The following SETD2 variants were observed in gnomAD, a reference collection of about 807,000 sequenced individuals.
The protein encoded by SETD2 is SET domain containing 2, histone lysine methyltransferase, also known as histone-lysine N-methyltransferase SETD2.
Under a neutral mutation model 242.1 loss-of-function variants are expected in SETD2, and 31 were observed. The observed-to-expected ratio is 0.13, with a 90% CI of 0.10 to 0.17. The LOEUF (loss-of-function observed/expected upper bound fraction) is 0.17. Among genes scored for constraint, SETD2 ranks in the 10% least tolerant of loss-of-function variants. The pLI, the probability that SETD2 is intolerant of heterozygous loss-of-function variation, is 1.00. For missense variants in SETD2, 2,481 were observed against 3,046.3 expected (o/e 0.81, Z 4.37); for synonymous variants, 1,006 against 1,066.5 (o/e 0.94, Z 1.11).
intron 9 of SETD2, among the ~76,000 whole-genome samples, chr3:47,094,039 G>A (rs973366045): frequency 2.0e-5 from 3 of 152,150 alleles, no homozygotes; most frequent in East Asian, 1.9e-4. Flanking sequence ...TGCATATTCT[G>A]GATAGTAGTA....
At chr3:47,127,444 A>C in intron 1 of SETD2, 1 of 269,220 alleles carries the variant, frequency 3.7e-6, no homozygotes, top group South Asian at 3.1e-5. Context: ...CACATAAAAT[A>C]AGGCTGGGTG....
intron 1 of SETD2, among the ~76,000 whole-genome samples, chr3:47,151,945 G>C (rs1192666242): frequency 6.6e-6 from 1 of 151,928 alleles, no homozygotes; most frequent in Non-Finnish European, 1.5e-5. Context: ...ACTATAATTG[G>C]GGGAACAGTC....
chr3:47,037,184 G>GTT (rs2039046033), intron 18 of SETD2, among the ~76,000 whole-genome samples: 1 of 148,848 alleles, frequency 6.7e-6, no homozygotes, highest in African/African-American at 2.5e-5. Context: ...CAACGTGCAG[G>GTT]TTTGTTACAT....
rs2106676332 is a variant in SETD2, at chr3:47,122,356, G to C, written c.2280C>G (p.Leu760=). 6.2e-7 allele frequency: 1 copy of C among 1,614,152 alleles called. No homozygotes were observed. Among genetic ancestry groups the C allele is most frequent in the Non-Finnish European group, 8.5e-7 (1 of 1,179,990 alleles). Residue 760 remains leucine (L), a synonymous_variant, in exon 3 of 21, where the codon CTC becomes CTG. Coordinates refer to ENST00000409792, the MANE Select transcript of SETD2 (RefSeq NM_014159.7). The part of the protein sequence containing the change: ...EPLVSPHQDK[L]MSMPVMTVDY... ...CCACAGTCATAACTGGCATAGACAT[G>C]AGTTTATCTTGGTGTGGTGACACCA...
At chr3:47,019,725 T>C in intron 19 of SETD2, 35 bp downstream of exon 19, 1 of 1,543,900 alleles carries the variant, frequency 6.5e-7, no homozygotes, top group Non-Finnish European at 9.0e-7. Context: ...GATTTAAGCC[T>C]GAGGAGCTTA....
chr3:47,100,644 T>C (rs1349964813), intron 8 of SETD2, among the ~76,000 whole-genome samples: 1 of 152,154 alleles, frequency 6.6e-6, no homozygotes, highest in Non-Finnish European at 1.5e-5. Flanking sequence ...TGCTTCAGTG[T>C]TAATAAGAAC....
At chr3:47,152,846 G>C (rs1192202523) in intron 1 of SETD2, among the ~76,000 whole-genome samples, 1 of 152,218 alleles carries the variant, frequency 6.6e-6, no homozygotes, top group Non-Finnish European at 1.5e-5. Context: ...CACAATTGCA[G>C]TCTTATCAAC....
At chr3:47,162,611 G>A (rs1217241953) in intron 1 of SETD2, among the ~76,000 whole-genome samples, 1 of 152,236 alleles carries the variant, frequency 6.6e-6, no homozygotes, top group Non-Finnish European at 1.5e-5. Context: ...CTGGACCAAT[G>A]TGAGAAGATG....
chr3:47,037,968 T>C (rs2107529670), intron 17 of SETD2, among the ~76,000 whole-genome samples, 191 bp from the exon 18 acceptor site: 1 of 152,336 alleles, frequency 6.6e-6, no homozygotes, highest in African/African-American at 2.4e-5. Context: ...ATGCCCCTCT[T>C]CAATGACTGT....
At chr3:47,049,412 G>A (rs955336431) in intron 15 of SETD2, among the ~76,000 whole-genome samples, 2 of 116,438 alleles carry the variant, frequency 1.7e-5, no homozygotes, top group East Asian at 2.4e-4. Context: ...TGGCTCTGTC[G>A]CCCAGGCTGG....
chr3:47,134,013 C>T (rs2043539357), intron 1 of SETD2, among the ~76,000 whole-genome samples: 1 of 152,118 alleles, frequency 6.6e-6, no homozygotes, highest in Non-Finnish European at 1.5e-5. Context: ...GATAGCAGTA[C>T]CCTTAACTTC....
chr3:47,103,243 G>T (rs1575777846), intron 7 of SETD2, 103 bp downstream of exon 7: 2 of 720,646 alleles, frequency 2.8e-6, no homozygotes, highest in East Asian at 2.5e-5. Context: ...TAGGAAAAAG[G>T]GACTAAAAAA....
At position 47,056,899 on chromosome 3, in the gene SETD2, T is replaced by C. The variant is rs150476239; in HGVS notation, c.6885A>G (p.Ile2295Met). Residue 2295 changes from isoleucine (I) to methionine (M), a missense_variant, in exon 15 of 21, where the codon ATA becomes ATG. Physicochemically the swap from Ile to Met is conservative, Grantham distance 10 (BLOSUM62 1). Around this residue, in one of 17 missense-constraint regions of SETD2, gnomAD observed 235 missense variants for 293.9 expected, o/e 0.80. Coordinates refer to ENST00000409792, the MANE Select transcript of SETD2 (RefSeq NM_014159.7). Reference sequence around the variant, plus strand: ...TTGGACATGTCTGTCCTTGATAATATATGGTTGCTTGAGACTGTGCAGGAG... The same window carrying C: ...TTGGACATGTCTGTCCTTGATAATACATGGTTGCTTGAGACTGTGCAGGAG... The part of the protein sequence containing the change: ...QYSPAQSQAT[I>M]YYQGQTCPTV... 4.3e-4 allele frequency: 702 copies of C among 1,614,216 alleles called. No individual in the cohort carries two copies. Among genetic ancestry groups the C allele is most frequent in the Non-Finnish European group, 4.6e-4 (541 of 1,180,002 alleles).
intron 17 of SETD2, among the ~76,000 whole-genome samples, chr3:47,039,275 C>T (rs903628218): frequency 7.9e-5 from 12 of 151,612 alleles, no homozygotes; most frequent in East Asian, 1.9e-4. Context: ...AGTGCAATGG[C>T]GTGATCTCAG....
At chr3:47,056,616 C>T (rs937974285) in intron 15 of SETD2, among the ~76,000 whole-genome samples, 2 of 152,170 alleles carry the variant, frequency 1.3e-5, no homozygotes, top group African/African-American at 4.8e-5. Context: ...TGAGCCAGAT[C>T]CACCCTGCTA....
At chr3:47,066,105 A>T (rs2040545866) in intron 13 of SETD2, among the ~76,000 whole-genome samples, 1 of 152,230 alleles carries the variant, frequency 6.6e-6, no homozygotes, top group African/African-American at 2.4e-5. Context: ...CAAGGTGAAG[A>T]TAAGGATGAA....
chr3:47,023,256 C>A (rs1279949425), intron 18 of SETD2, among the ~76,000 whole-genome samples: 1 of 152,012 alleles, frequency 6.6e-6, no homozygotes, highest in Non-Finnish European at 1.5e-5. Context: ...AAAAATTAGT[C>A]AGGCGCGGCG....
rs2107742587 is a variant in SETD2 at position 47,120,527 on chromosome 3, G to A, written c.4109C>T (p.Pro1370Leu). 3 of 1,613,772 alleles carry A rather than the reference G, an allele frequency of 1.9e-6. No homozygotes were observed. The highest frequency in any genetic ancestry group is 2.5e-6 in the Non-Finnish European group (3 of 1,179,956). Reference sequence around the variant, plus strand: ...CTTAATGGAATTGCTGCTTATTTCAGGTGCTTGCACTGACCCCTTGTCTTT... The same window carrying A: ...CTTAATGGAATTGCTGCTTATTTCAAGTGCTTGCACTGACCCCTTGTCTTT... The part of the protein sequence containing the change: ...LQKDKGSVQA[P>L]EISSNSIKDT... The change falls in exon 3 of 21, where the codon CCT (proline) becomes CTT (leucine). Residue 1370 changes from proline (P) to leucine (L), a missense_variant. Pro to Leu is a moderately conservative substitution (Grantham distance 98). This residue lies in a region of SETD2 where 1,300 missense variants were observed against 1,259.2 expected (regional missense o/e 1.03). Coordinates refer to ENST00000409792, the MANE Select transcript of SETD2 (RefSeq NM_014159.7).
At chr3:47,117,487 A>G (rs2042910188) in intron 3 of SETD2, among the ~76,000 whole-genome samples, 1 of 152,202 alleles carries the variant, frequency 6.6e-6, no homozygotes, top group Admixed American at 6.5e-5. Context: ...ATAGTGACAT[A>G]GCTGGTTAAA....
Sources: allele counts gnomAD v4.1 joint callset (sites outside exome capture counted in the v4.1 genomes callset), GRCh38; gene constraint gnomAD v4.1.1; regional missense constraint gnomAD v4.1.1; transcripts MANE v1.5; gene names NCBI Gene and HGNC (gene_info 2026-07-23, HGNC 2026-07-21).